The following HMCN1 variants were observed in gnomAD, a reference collection of about 807,000 sequenced individuals.
HMCN1 encodes hemicentin 1, also known as hemicentin-1.
HMCN1 carries 321 observed loss-of-function variants against 625.9 expected under a neutral mutation model. The ratio of observed to expected loss-of-function variants is 0.51; its 90% CI spans 0.47 to 0.56. HMCN1 has a LOEUF of 0.56. HMCN1 is among the 20% of genes least tolerant of loss of function. HMCN1 has a pLI of 0.00. For missense variants in HMCN1, 6,588 were observed against 6,887.3 expected, an observed-to-expected ratio of 0.96 and a Z score of 1.54; for synonymous variants, 2,425 against 2,417.6, an observed-to-expected ratio of 1.00 and a Z score of -0.09.
chr1:185,859,556 C>T (rs1047659710), intron 2 of HMCN1, among the ~76,000 whole-genome samples: 1 of 152,082 alleles, frequency 6.6e-6, no homozygotes, highest in African/African-American at 2.4e-5. Flanking sequence ...TTCAGTTTCT[C>T]ATTTTCACTA....
chr1:185,961,019 T>A (rs2102554683), intron 11 of HMCN1, among the ~76,000 whole-genome samples: 1 of 152,090 alleles, frequency 6.6e-6, no homozygotes, highest in Admixed American at 6.5e-5. Flanking sequence ...CCAACAAGAA[T>A]CCGTGGAATA....
intron 41 of HMCN1, among the ~76,000 whole-genome samples, chr1:186,047,639 A>G (rs1656662809): frequency 6.6e-6 from 1 of 152,110 alleles, no homozygotes; most frequent in African/African-American, 2.4e-5. Context: ...TCTTTCTATG[A>G]GACATGCAGG....
chr1:186,186,956 T>G (rs1453655738), intron 105 of HMCN1, among the ~76,000 whole-genome samples: 1 of 149,646 alleles, frequency 6.7e-6, no homozygotes, highest in Non-Finnish European at 1.5e-5. Flanking sequence ...TTCTTGAAAA[T>G]CCAACCATCA....
intron 36 of HMCN1, among the ~76,000 whole-genome samples, chr1:186,035,285 G>T (rs1655744656): frequency 6.6e-6 from 1 of 152,118 alleles, no homozygotes; most frequent in African/African-American, 2.4e-5. Context: ...TAGAGGGGTG[G>T]TTCTGGGGTG....
chr1:186,130,462 T>A, intron 84 of HMCN1, 45 bp from the exon 85 acceptor site: 1 of 1,566,304 alleles, frequency 6.4e-7, no homozygotes, highest in Non-Finnish European at 8.8e-7. Context: ...AAAGAAATTA[T>A]CAGCACTTAC....
intron 1 of HMCN1, among the ~76,000 whole-genome samples, chr1:185,788,556 G>A (rs1657780615): frequency 6.6e-6 from 1 of 152,152 alleles, no homozygotes; most frequent in Non-Finnish European, 1.5e-5. Flanking sequence ...TAGCCCCATA[G>A]CCTAGAGGGG....
chr1:186,104,641 G>A (rs914781506), intron 69 of HMCN1, among the ~76,000 whole-genome samples: 1 of 152,092 alleles, frequency 6.6e-6, no homozygotes, highest in Non-Finnish European at 1.5e-5. Flanking sequence ...CCAAAATCAG[G>A]TGCAGAGAGA....
chr1:185,893,578 A>G (rs1435912930), intron 4 of HMCN1, among the ~76,000 whole-genome samples: 1 of 152,140 alleles, frequency 6.6e-6, no homozygotes, highest in African/African-American at 2.4e-5. Context: ...GCCCAGCATC[A>G]TTGTAAATTT....
At chr1:185,813,612 TTA>T (rs1659663584) in intron 1 of HMCN1, among the ~76,000 whole-genome samples, 2 of 152,088 alleles carry the variant, frequency 1.3e-5, no homozygotes, top group Admixed American at 1.3e-4. Context: ...CATGGCCTCT[TTA>T]TAGAGGGTTG....
At chr1:186,049,520 A>T (rs1410538990) in intron 42 of HMCN1, among the ~76,000 whole-genome samples, 1 of 152,008 alleles carries the variant, frequency 6.6e-6, no homozygotes, top group Non-Finnish European at 1.5e-5. Flanking sequence ...TTTGTTACTA[A>T]TTAAGATAAT....
At position 185,855,776 on chromosome 1, in the gene HMCN1, G is replaced by A. The variant is rs1662429704; in HGVS notation, c.340-8694G>A. 2.0e-5 allele frequency among the ~76,000 whole-genome samples: 3 copies of A among 152,146 alleles called. No homozygotes were observed. In the South Asian group the frequency reaches 6.2e-4, roughly 31 times the overall value. ...GTGATAATCTGAAAGCATGGACATT[G>A]TTGTAATTGTTACCTTTACTGTGCC... On this transcript the variant is annotated intron_variant, in intron 2 of 106. Transcript: ENST00000271588.
intron 2 of HMCN1, among the ~76,000 whole-genome samples, chr1:185,846,910 C>G (rs1335707416): frequency 6.6e-6 from 1 of 152,156 alleles, no homozygotes; most frequent in Non-Finnish European, 1.5e-5. Flanking sequence ...TCTTAGTCAT[C>G]TATTTCCACA....
At chr1:185,757,241 G>A (rs1655191346) in intron 1 of HMCN1, among the ~76,000 whole-genome samples, 1 of 152,142 alleles carries the variant, frequency 6.6e-6, no homozygotes, top group African/African-American at 2.4e-5. Flanking sequence ...CCAAAGTGCT[G>A]GGATTACAGG....
intron 97 of HMCN1, among the ~76,000 whole-genome samples, chr1:186,156,817 CATTT>C (rs571287396): frequency 1.3e-3 from 197 of 152,202 alleles, no homozygotes; most frequent in African/African-American, 4.6e-3. Flanking sequence ...ATATTTAGCT[CATTT>C]ATTCATTTAA....
intron 33 of HMCN1, among the ~76,000 whole-genome samples, chr1:186,017,810 G>A (rs1056873941): frequency 6.6e-6 from 1 of 151,978 alleles, no homozygotes; most frequent in African/African-American, 2.4e-5. Flanking sequence ...CATAGTGGGT[G>A]TATACATTTA....
intron 86 of HMCN1, among the ~76,000 whole-genome samples, chr1:186,134,631 G>A (rs934835473): frequency 2.6e-5 from 4 of 152,044 alleles, no homozygotes; most frequent in African/African-American, 7.2e-5. Flanking sequence ...AACATGTCAC[G>A]GATACCTTTG....
At position 185,981,065 on chromosome 1, in the gene HMCN1, C is replaced by A. The variant is rs1429666269; in HGVS notation, c.2654C>A (p.Thr885Asn). 5 of 1,596,194 alleles carry A rather than the reference C, an allele frequency of 3.1e-6. No individual in the cohort carries two copies. Among genetic ancestry groups the A allele is most frequent in the Non-Finnish European group, 4.3e-6 (5 of 1,163,820 alleles). Reference sequence around the variant, plus strand: ...CAGTCAGAGACAACAGTAACAGTGACCGGACTTGGTAAGATCAATTGAATG... The same window carrying A: ...CAGTCAGAGACAACAGTAACAGTGAACGGACTTGGTAAGATCAATTGAATG... ...KIQSETTVTV[T>N]GLVAPLIGIS... The change falls in exon 17 of 107, where the codon ACC becomes AAC. Residue 885 changes from threonine (T) to asparagine (N), a missense_variant. By Grantham distance (65) the Thr-to-Asn change is moderately conservative (BLOSUM62 0). Coordinates refer to ENST00000271588, the MANE Select transcript of HMCN1 (RefSeq NM_031935.3).
intron 4 of HMCN1, among the ~76,000 whole-genome samples, chr1:185,886,271 G>A (rs552825942): frequency 6.6e-6 from 1 of 151,568 alleles, no homozygotes; most frequent in South Asian, 2.1e-4. Flanking sequence ...AGAGACAGCA[G>A]AAAGAAAAGC....
intron 5 of HMCN1, among the ~76,000 whole-genome samples, chr1:185,910,861 G>A (rs961092143): frequency 6.6e-6 from 1 of 152,136 alleles, no homozygotes; most frequent in African/African-American, 2.4e-5. Flanking sequence ...GAGCCACCGT[G>A]CCTGGCCTAA....
Sources: allele counts gnomAD v4.1 joint callset (sites outside exome capture counted in the v4.1 genomes callset), GRCh38; gene constraint gnomAD v4.1.1; transcripts MANE v1.5; gene names NCBI Gene and HGNC (gene_info 2026-07-23, HGNC 2026-07-21).